Variants in YWHAG observed in about 807,000 individuals in gnomAD.
YWHAG encodes tyrosine 3-monooxygenase/tryptophan 5-monooxygenase activation protein gamma.
A neutral mutation model predicts 23.3 loss-of-function variants in YWHAG; 1 was observed. That is an observed-to-expected ratio of 0.04 (90% CI 0.02 to 0.20). The LOEUF is 0.20. Among genes scored for constraint, YWHAG ranks in the 10% least tolerant of loss-of-function variants. The pLI is 1.00. For synonymous variants in YWHAG, 160 were observed against 144.0 expected (o/e 1.11, Z -0.80); for missense variants, 151 against 338.6 (o/e 0.45, Z 4.35).
chr7:76,343,411 A>G (rs1257207199), intron 1 of YWHAG, among the ~76,000 whole-genome samples: 1 of 152,164 alleles, frequency 6.6e-6, no homozygotes, highest in African/African-American at 2.4e-5. Context: ...GCTTCTTCAC[A>G]TTAATATAAC....
chr7:76,350,502 G>A (rs1033902677), intron 1 of YWHAG, among the ~76,000 whole-genome samples: 12 of 152,158 alleles, frequency 7.9e-5, no homozygotes, highest in Admixed American at 7.9e-4. Context: ...CTAAGTGGAG[G>A]AGCTTACTGA....
At chr7:76,343,287 T>G (rs941495062) in intron 1 of YWHAG, among the ~76,000 whole-genome samples, 1 of 150,492 alleles carries the variant, frequency 6.6e-6, no homozygotes, top group Admixed American at 7.2e-5. Context: ...GGCCTCCACA[T>G]TAGCAAAGGA....
At chr7:76,354,070 A>AC (rs1447542348) in intron 1 of YWHAG, among the ~76,000 whole-genome samples, 47 of 145,432 alleles carry the variant, frequency 3.2e-4, no homozygotes, top group African/African-American at 1.2e-3. Context: ...AAAAAAAAAA[A>AC]AACAAAAAAC....
chr7:76,349,158 C>T (rs1199754665), intron 1 of YWHAG, among the ~76,000 whole-genome samples: 3 of 151,668 alleles, frequency 2.0e-5, no homozygotes, highest in Non-Finnish European at 2.9e-5. Flanking sequence ...CTGGCTAACA[C>T]GGTGAAACCT....
intron 1 of YWHAG, among the ~76,000 whole-genome samples, chr7:76,358,151 C>T (rs1803988386): frequency 6.6e-6 from 1 of 152,088 alleles, no homozygotes; most frequent in African/African-American, 2.4e-5. Flanking sequence ...TTTTGCACCA[C>T]GGAGCTCAGG....
chr7:76,333,754 G>A (rs945091526), intron 1 of YWHAG, among the ~76,000 whole-genome samples: 6 of 152,246 alleles, frequency 3.9e-5, no homozygotes, highest in African/African-American at 7.2e-5. Context: ...AAGACAAACC[G>A]CCCCGCGGTG....
chr7:76,337,706 T>C (rs1803635593), intron 1 of YWHAG, among the ~76,000 whole-genome samples: 1 of 151,932 alleles, frequency 6.6e-6, no homozygotes, highest in South Asian at 2.1e-4. Context: ...AGCTAAACTT[T>C]CTATTTTTAG....
At chr7:76,347,865 A>G (rs1261864067) in intron 1 of YWHAG, among the ~76,000 whole-genome samples, 1 of 152,206 alleles carries the variant, frequency 6.6e-6, no homozygotes, top group Non-Finnish European at 1.5e-5. Flanking sequence ...AATATCTCTA[A>G]GACTCCAAAC....
At chr7:76,333,756 C>G (rs1803578366) in intron 1 of YWHAG, among the ~76,000 whole-genome samples, 1 of 152,256 alleles carries the variant, frequency 6.6e-6, no homozygotes, top group African/African-American at 2.4e-5. Flanking sequence ...GACAAACCGC[C>G]CCGCGGTGCA....
intron 1 of YWHAG, among the ~76,000 whole-genome samples, chr7:76,354,227 GAGGCTGGGC>G (rs1289290843): frequency 6.6e-6 from 1 of 152,006 alleles, no homozygotes; most frequent in Non-Finnish European, 1.5e-5. Context: ...AGTGGTCCTT[GAGGCTGGGC>G]ACGGTGGCTC....
At chr7:76,335,584 A>G (rs1474793584) in intron 1 of YWHAG, among the ~76,000 whole-genome samples, 2 of 152,254 alleles carry the variant, frequency 1.3e-5, no homozygotes, top group African/African-American at 2.4e-5. Context: ...AAAGCTACTT[A>G]GATGACTTTC....
chr7:76,343,992 TGTCA>T (rs1803739286), intron 1 of YWHAG, among the ~76,000 whole-genome samples: 1 of 152,224 alleles, frequency 6.6e-6, no homozygotes, highest in Non-Finnish European at 1.5e-5. Context: ...CCTATTGAGA[TGTCA>T]GTCAAAGCCC....
Position 76,328,229 on chromosome 7 carries a change from C to G in YWHAG, c.*1348G>C, listed in dbSNP as rs758577390. 1 of 152,280 alleles carries G rather than the reference C, an allele frequency of 6.6e-6. No homozygotes were observed. The highest frequency in any genetic ancestry group is 2.4e-5 in the African/African-American group (1 of 41,548). 9.4% of individuals were successfully genotyped at this position (152,280 alleles called of 1,614,324 possible). On this transcript the variant is annotated 3_prime_UTR_variant, in exon 2 of 2. Transcript: ENST00000307630. ...TGTTTCCGTCAATTCCAAATGTGCA[C>G]TGGCTGCGTGAGACAAGCCAATCTC...
intron 1 of YWHAG, among the ~76,000 whole-genome samples, chr7:76,341,583 C>G (rs992656891): frequency 4.6e-5 from 7 of 152,074 alleles, no homozygotes; most frequent in African/African-American, 1.7e-4. Flanking sequence ...GCACTGATAA[C>G]ATGCTACACC....
At chr7:76,352,326 C>T (rs1449746910) in intron 1 of YWHAG, among the ~76,000 whole-genome samples, 1 of 152,162 alleles carries the variant, frequency 6.6e-6, no homozygotes, top group Non-Finnish European at 1.5e-5. Context: ...TTAGCCATTC[C>T]TCACTTCCCT....
intron 1 of YWHAG, among the ~76,000 whole-genome samples, chr7:76,350,747 G>C (rs1233237214): frequency 6.6e-6 from 1 of 152,294 alleles, no homozygotes; most frequent in Non-Finnish European, 1.5e-5. Flanking sequence ...GGGAAGCTGA[G>C]GCAGGAGAAT....
chr7:76,334,042 G>A (rs900174182), intron 1 of YWHAG, among the ~76,000 whole-genome samples: 3 of 152,128 alleles, frequency 2.0e-5, no homozygotes, highest in African/African-American at 7.2e-5. Context: ...GATCACCTTT[G>A]GATACAGTAG....
chr7:76,349,418 T>TAC (rs35880008), intron 1 of YWHAG, among the ~76,000 whole-genome samples: 6,132 of 147,044 alleles, frequency 0.042, 182 homozygotes, highest in Middle Eastern at 0.075. Flanking sequence ...CATTTATTAA[T>TAC]ACACACACAC....
rs1460943109 is a variant in YWHAG, at chr7:76,328,395, G to A, written c.*1182C>T. ...TACTTGGGGAAGGAGTGTCTTCGGG[G>A]AGGAAAAACTGACACACTGACAAGG... On this transcript the variant is annotated 3_prime_UTR_variant, in exon 2 of 2. Coordinates refer to ENST00000307630, the MANE Select transcript of YWHAG (RefSeq NM_012479.4). 2.0e-5 allele frequency: 3 copies of A among 152,066 alleles called. No individual in the cohort carries two copies. Among genetic ancestry groups the A allele is most frequent in the African/African-American group, 7.2e-5 (3 of 41,398 alleles). 9.4% of individuals were successfully genotyped at this position (152,066 alleles called of 1,614,324 possible).
Sources: gnomAD v4.1 joint callset for allele counts (sites outside exome capture counted in the v4.1 genomes callset) on GRCh38, gnomAD v4.1.1 for gene constraint, MANE v1.5 for transcripts, NCBI Gene and HGNC (gene_info 2026-07-23, HGNC 2026-07-21) for gene names.